Variants in DIAPH1 observed in about 807,000 individuals in gnomAD.
DIAPH1 encodes the protein diaphanous related formin 1, also known as protein diaphanous homolog 1.
DIAPH1 carries 46 observed loss-of-function variants against 140.7 expected under a neutral mutation model. The ratio of observed to expected loss-of-function variants is 0.33; its 90% CI spans 0.26 to 0.42. The LOEUF is 0.42. Among genes scored for constraint, DIAPH1 ranks in the 10% least tolerant of loss-of-function variants. The pLI is 1.00. For synonymous variants in DIAPH1, 565 were observed against 551.6 expected (o/e 1.02, Z -0.34); for missense variants, 1,310 against 1,558.7 (o/e 0.84, Z 2.69).
intron 1 of DIAPH1, among the ~76,000 whole-genome samples, chr5:141,604,286 G>A (rs952070338): frequency 6.6e-6 from 1 of 152,100 alleles, no homozygotes; most frequent in African/African-American, 2.4e-5. Flanking sequence ...ACATATACAG[G>A]AAACAAAACA....
At chr5:141,569,293 C>T (rs1429297771) in intron 18 of DIAPH1, among the ~76,000 whole-genome samples, 1 of 152,138 alleles carries the variant, frequency 6.6e-6, no homozygotes, top group South Asian at 2.1e-4. Context: ...ATCTATGTCA[C>T]TACTTCATCT....
At chr5:141,586,912 A>G in intron 3 of DIAPH1, 130 bp downstream of exon 3, 1 of 936,958 alleles carries the variant, frequency 1.1e-6, no homozygotes, top group Non-Finnish European at 1.7e-6. Flanking sequence ...AAGGGTTAAT[A>G]TTAAAAAGTT....
At position 141,577,456 on chromosome 5, in the gene DIAPH1, CAT is replaced by C. The variant is rs760423338; in HGVS notation, c.1280+17_1280+18del. The C allele has an allele frequency of 6.5e-7, 1 of 1,535,336 alleles. No individual in the cohort carries two copies. Among genetic ancestry groups the C allele is most frequent in the Non-Finnish European group, 9.0e-7 (1 of 1,108,318 alleles). On this transcript the variant is annotated intron_variant, in intron 12 of 27. Coordinates refer to ENST00000389054, the MANE Select transcript of DIAPH1 (RefSeq NM_005219.5). ...ACTTAGGCTCAAATTCAAAACTTCT[CAT>C]AAGCACAGCATCTTACCTGGCCTCA...
At chr5:141,586,453 T>G (rs994492184) in intron 3 of DIAPH1, among the ~76,000 whole-genome samples, 1 of 152,232 alleles carries the variant, frequency 6.6e-6, no homozygotes, top group Non-Finnish European at 1.5e-5. Context: ...ATCAAAACTT[T>G]CCAAGACTTA....
At position 141,529,238 on chromosome 5, in the gene DIAPH1, T is replaced by A. The variant is rs1733549835; in HGVS notation, c.2712A>T (p.Leu904Phe). 1 of 1,614,222 alleles carries A rather than the reference T, an allele frequency of 6.2e-7. No homozygotes were observed. The change falls in exon 21 of 28, where the codon TTA becomes TTT. Residue 904 changes from leucine to phenylalanine, a missense_variant. Around this residue, in one of 3 missense-constraint regions of DIAPH1, gnomAD observed 344 missense variants for 512.2 expected, o/e 0.67. Coordinates refer to ENST00000389054, the MANE Select transcript of DIAPH1 (RefSeq NM_005219.5). ...LIKQMPEPEQ[L>F]KMLSELKDEY... ...CATCCTTCAGTTCAGAAAGCATTTTTAACTGCTCTGGCTCTGGCATTTGCT... is the reference window on the plus strand; with the variant it reads ...CATCCTTCAGTTCAGAAAGCATTTTAAACTGCTCTGGCTCTGGCATTTGCT...
chr5:141,560,894 T>C (rs1271934263), intron 18 of DIAPH1: 1 of 455,444 alleles, frequency 2.2e-6, no homozygotes, highest in Non-Finnish European at 4.4e-6. Context: ...TTTTTTCCCT[T>C]CTTTGTTCCT....
chr5:141,534,354 T>C lies in DIAPH1; in HGVS notation c.2562A>G (p.Ser854=). 6.2e-7 allele frequency: 1 copy of C among 1,613,608 alleles called. No individual in the cohort carries two copies. Among genetic ancestry groups the C allele is most frequent in the South Asian group, 1.1e-5 (1 of 91,080 alleles). ...ACTCACAGAGATTCTGGGCTGTCTT[T>C]GAATCCAACACCTTTAACTCTTTTA... ...KKVKELKVLD[S]KTAQNLSIFL... Residue 854 remains serine, a synonymous_variant, in exon 19 of 28, where the codon TCA becomes TCG. Coordinates refer to ENST00000389054, the MANE Select transcript of DIAPH1 (RefSeq NM_005219.5).
At chr5:141,576,677 T>C (rs1234097638) in intron 13 of DIAPH1, 79 bp downstream of exon 13, 8 of 1,035,830 alleles carry the variant, frequency 7.7e-6, no homozygotes, top group Non-Finnish European at 1.1e-5. Flanking sequence ...GTATCTTCTC[T>C]GACATTTTCA....
At position 141,538,199 on chromosome 5, in the gene DIAPH1, T is replaced by C. The variant is rs183735554; in HGVS notation, c.2483-3766A>G. 3.8e-3 allele frequency among the ~76,000 whole-genome samples: 573 copies of C among 151,454 alleles called. 5 individuals are homozygous for C. The highest frequency in any genetic ancestry group is 0.011 in the Admixed American group (166 of 15,212). ...CCTCAGCCTCCTGAGTAGCTGGGAT[T>C]ACAGGCACCCACCACCACACTTGGC... On this transcript the variant is annotated intron_variant, in intron 18 of 27. Transcript: ENST00000389054.
In DIAPH1 at chr5:141,576,225, T is replaced by A; in HGVS notation, c.1461+5A>T. Reference sequence around the variant, plus strand: ...AAACACATGTCTTTGGTCTCTCATATGCACCTTCTTTTCCAGCTCTGCAGC... The same window carrying A: ...AAACACATGTCTTTGGTCTCTCATAAGCACCTTCTTTTCCAGCTCTGCAGC... On this transcript the variant is annotated splice_donor_5th_base_variant and intron_variant, in intron 14 of 27. Transcript: ENST00000389054. The A allele has an allele frequency of 6.2e-7, 1 of 1,608,526 alleles. No homozygotes were observed. Among genetic ancestry groups the A allele is most frequent in the East Asian group, 2.2e-5 (1 of 44,850 alleles).
At chr5:141,614,917 G>C (rs2099902436) in intron 1 of DIAPH1, among the ~76,000 whole-genome samples, 1 of 151,972 alleles carries the variant, frequency 6.6e-6, no homozygotes, top group Admixed American at 6.5e-5. Context: ...CAAACTTTTG[G>C]ATTAAAGTTA....
chr5:141,547,282 G>A (rs1247409755), intron 18 of DIAPH1, among the ~76,000 whole-genome samples: 4 of 152,102 alleles, frequency 2.6e-5, no homozygotes, highest in East Asian at 3.9e-4. Context: ...TGGTTAACAC[G>A]GTGAAACCCC....
rs1266407564 is a variant in DIAPH1 at position 141,574,054 on chromosome 5, G to A, written c.1796C>T (p.Pro599Leu). ...AGTGGTACTATCCCCAGGAGCAGGT[G>A]GTGGTGGAATAATAGTGCCAGAGTC... ...PGDSGTIIPP[P>L]PAPGDSTTPP... is the part of the protein sequence containing the mutation. The change falls in exon 16 of 28, where the codon CCA (proline) becomes CTA (leucine). Residue 599 changes from proline (P) to leucine (L), a missense_variant. Physicochemically the swap from Pro to Leu is moderately conservative, Grantham distance 98 (BLOSUM62 -3). Coordinates refer to ENST00000389054, the MANE Select transcript of DIAPH1 (RefSeq NM_005219.5). The A allele has an allele frequency of 5.0e-6, 8 of 1,602,676 alleles. No individual in the cohort carries two copies. In the African/African-American group the frequency reaches 5.4e-5, roughly 11 times the overall value.
At chr5:141,561,427 G>A (rs1398417440) in intron 18 of DIAPH1, among the ~76,000 whole-genome samples, 1 of 151,356 alleles carries the variant, frequency 6.6e-6, no homozygotes, top group East Asian at 1.9e-4. Flanking sequence ...GTGAAGTAAA[G>A]GATACTGTTA....
chr5:141,573,922 G>A lies in DIAPH1; in HGVS notation c.1928C>T (p.Pro643Leu), dbSNP rs746803459. 1.3e-6 allele frequency: 2 copies of A among 1,552,460 alleles called. No individual in the cohort carries two copies. The highest frequency in any genetic ancestry group is 1.7e-6 in the Non-Finnish European group (2 of 1,147,974). ...GATGGTAGCATCCCCAGACAAAGGA[G>A]GGGGTGGAGAGATAGCAGTACCTCC... ...LPGGTAISPP[P>L]PLSGDATIPP... The change falls in exon 16 of 28, where the codon CCT becomes CTT. Residue 643 changes from proline to leucine, a missense_variant. Physicochemically the swap from Pro to Leu is moderately conservative, Grantham distance 98. Around this residue, in one of 3 missense-constraint regions of DIAPH1, gnomAD observed 589 missense variants for 549.3 expected, o/e 1.07. Transcript: ENST00000389054.
rs537095734 is a variant in DIAPH1, at chr5:141,597,685, C to T, written c.118-9435G>A. On this transcript the variant is annotated intron_variant, in intron 1 of 27. Transcript: ENST00000389054. ...AGGGAGCAATGAGACTTGAGCCAGACCCTTGAAGCCTGTCATCACCATCAT... is the reference window on the plus strand; with the variant it reads ...AGGGAGCAATGAGACTTGAGCCAGATCCTTGAAGCCTGTCATCACCATCAT... 9.8e-5 allele frequency among the ~76,000 whole-genome samples: 15 copies of T among 152,290 alleles called. No individual in the cohort carries two copies. In the East Asian group the frequency reaches 1.7e-3, roughly 18 times the overall value.
rs113678127 is a variant in DIAPH1, at chr5:141,577,592, G to A, written c.1164-1C>T. On this transcript the variant is annotated splice_acceptor_variant, in intron 11 of 27. Transcript: ENST00000389054. LOFTEE classifies it high-confidence loss of function. ...AATCTGAAAGACTTCATTAAAGTCA[G>A]TGGAAAAGGGAAATAGGCTAAGGAA... 1.9e-6 allele frequency: 3 copies of A among 1,585,840 alleles called. No homozygotes were observed. The highest frequency in any genetic ancestry group is 2.6e-6 in the Non-Finnish European group (3 of 1,154,596).
chr5:141,576,231 T>C lies in DIAPH1; in HGVS notation c.1460A>G (p.Lys487Arg), dbSNP rs1596381751. ...SEAKAAELEK[K>R]LDSELTARHE... ...ATGTCTTTGGTCTCTCATATGCACC[T>C]TCTTTTCCAGCTCTGCAGCTTTGGC... Residue 487 changes from lysine to arginine, a missense_variant and splice_region_variant, in exon 14 of 28, where the codon AAG (lysine) becomes AGG (arginine). This residue lies in a region of DIAPH1 where 589 missense variants were observed against 549.3 expected (regional missense o/e 1.07). Coordinates refer to ENST00000389054, the MANE Select transcript of DIAPH1 (RefSeq NM_005219.5). 1 of 1,612,158 alleles carries C rather than the reference T, an allele frequency of 6.2e-7. No individual in the cohort carries two copies. Among genetic ancestry groups the C allele is most frequent in the Non-Finnish European group, 8.5e-7 (1 of 1,178,156 alleles).
At chr5:141,595,099 A>G (rs1273387280) in intron 1 of DIAPH1, among the ~76,000 whole-genome samples, 1 of 152,118 alleles carries the variant, frequency 6.6e-6, no homozygotes, top group African/African-American at 2.4e-5. Flanking sequence ...GTACCCAACT[A>G]TATGACATTC....
Sources: gnomAD v4.1 joint callset for allele counts (sites outside exome capture counted in the v4.1 genomes callset) on GRCh38, gnomAD v4.1.1 for gene constraint, gnomAD v4.1.1 regional missense constraint, MANE v1.5 for transcripts, NCBI Gene and HGNC (gene_info 2026-07-23, HGNC 2026-07-21) for gene names.